RYR2: variants seen among roughly 807,000 people sequenced by gnomAD.
RYR2 encodes the protein ryanodine receptor 2.
Under a neutral mutation model 601.1 loss-of-function variants are expected in RYR2, and 227 were observed. The ratio of observed to expected loss-of-function variants is 0.38; its 90% CI spans 0.34 to 0.42. The LOEUF (loss-of-function observed/expected upper bound fraction) is 0.42. Among genes scored for constraint, RYR2 ranks in the 10% least tolerant of loss-of-function variants. The pLI is 1.00. For missense variants in RYR2, 4,646 were observed against 6,156.5 expected, an observed-to-expected ratio of 0.75 and a Z score of 8.21; for synonymous variants, 2,223 against 2,175.1, an observed-to-expected ratio of 1.02 and a Z score of -0.61.
intron 14 of RYR2, 76 bp downstream of exon 14, chr1:237,445,598 T>A: frequency 6.4e-7 from 1 of 1,557,002 alleles, no homozygotes; most frequent in Non-Finnish European, 8.8e-7. Flanking sequence ...ATAGACAATT[T>A]AAAAGTATGC....
Position 237,709,035 on chromosome 1 carries a change from C to T in RYR2, c.10079C>T (p.Thr3360Ile), listed in dbSNP as rs924056885. The T allele has an allele frequency of 3.7e-6, 6 of 1,611,574 alleles. No individual in the cohort carries two copies. The highest frequency in any genetic ancestry group is 5.1e-6 in the Non-Finnish European group (6 of 1,177,946). The change falls in exon 69 of 105, where the codon ACC becomes ATC. Residue 3360 changes from threonine (T) to isoleucine (I), a missense_variant. Transcript: ENST00000366574. ...EAELLILDEF[T>I]TLARDLYAFY... ...GAACTCCTCATCCTAGATGAGTTCA[C>T]CACACTGGCCAGAGATCTCTATGCC...
chr1:237,693,208 G>GTT (rs201974638), intron 63 of RYR2, among the ~76,000 whole-genome samples: 12 of 140,528 alleles, frequency 8.5e-5, no homozygotes, highest in East Asian at 2.1e-4. Context: ...TGAGAATCAT[G>GTT]TTTTTTTTTT....
intron 66 of RYR2, among the ~76,000 whole-genome samples, chr1:237,703,226 A>G (rs2149042802): frequency 6.6e-6 from 1 of 152,072 alleles, no homozygotes; most frequent in Non-Finnish European, 1.5e-5. Flanking sequence ...TTCCATTTAC[A>G]TTCTCAAATT....
intron 34 of RYR2, among the ~76,000 whole-genome samples, chr1:237,596,217 A>G (rs1675878021): frequency 6.6e-6 from 1 of 152,216 alleles, no homozygotes; most frequent in African/African-American, 2.4e-5. Flanking sequence ...AAATAAATTT[A>G]TAGGATGCCT....
chr1:237,428,349 CA>C (rs1706421533), intron 12 of RYR2, among the ~76,000 whole-genome samples: 1 of 151,994 alleles, frequency 6.6e-6, no homozygotes, highest in Non-Finnish European at 1.5e-5. Context: ...GGAATAAACC[CA>C]AATGCCCATC....
chr1:237,630,946 A>C (rs1036821059), intron 41 of RYR2, among the ~76,000 whole-genome samples: 1 of 152,166 alleles, frequency 6.6e-6, no homozygotes, highest in African/African-American at 2.4e-5. Flanking sequence ...ATATGAATGC[A>C]ATAAGAAATA....
chr1:237,369,577 C>G lies in RYR2; in HGVS notation c.353C>G (p.Ala118Gly). 1 of 1,564,762 alleles carries G rather than the reference C, an allele frequency of 6.4e-7. No homozygotes were observed. Among genetic ancestry groups the G allele is most frequent in the Non-Finnish European group, 8.7e-7 (1 of 1,152,790 alleles). The change falls in exon 6 of 105, where the codon GCC becomes GGC. Residue 118 changes from alanine to glycine, a missense_variant. Coordinates refer to ENST00000366574, the MANE Select transcript of RYR2 (RefSeq NM_001035.3). ...CATCGAACACTCCTCTACGGACATG[C>G]CATATTGCTGCGCCATTCCTATAGT... ...GGHRTLLYGHAILLRHSYSGM... is the reference protein window; with the variant it reads ...GGHRTLLYGHGILLRHSYSGM...
intron 16 of RYR2, among the ~76,000 whole-genome samples, chr1:237,464,769 T>G (rs1178270943): frequency 6.6e-6 from 1 of 152,232 alleles, no homozygotes; most frequent in Non-Finnish European, 1.5e-5. Context: ...TAGCAGATGT[T>G]TTCAATTAAT....
chr1:237,643,598 T>C (rs936002304), intron 48 of RYR2, among the ~76,000 whole-genome samples, 151 bp downstream of exon 48: 2 of 142,422 alleles, frequency 1.4e-5, no homozygotes, highest in Non-Finnish European at 3.0e-5. Context: ...AGCTGTAAAG[T>C]ATATATTTTA....
rs201084407 is a variant in RYR2, at chr1:237,736,644, GGA to G, written c.11091+2897_11091+2898del. ...ATGAAGTCTATAAAGGAAGGCTAGAGGAGAGAGAGAAGCAAAGGAAGGCTGGA... is the reference window on the plus strand; with the variant it reads ...ATGAAGTCTATAAAGGAAGGCTAGAGGAGAGAGAAGCAAAGGAAGGCTGGA... On this transcript the variant is annotated intron_variant, in intron 79 of 104. Transcript: ENST00000366574. Among the ~76,000 whole-genome samples, 123 of 152,144 alleles carry G rather than the reference GGA, an allele frequency of 8.1e-4. 1 individual carries two copies. The East Asian group carries it at 0.02, about 24-fold the overall frequency.
chr1:237,130,963 G>A (rs947618573), intron 1 of RYR2, among the ~76,000 whole-genome samples: 4 of 152,136 alleles, frequency 2.6e-5, no homozygotes, highest in African/African-American at 9.7e-5. Flanking sequence ...CTAAGACTGA[G>A]GCTAGGGTAA....
intron 83 of RYR2, 62 bp downstream of exon 83, chr1:237,759,914 T>C: frequency 2.0e-6 from 2 of 1,019,962 alleles, no homozygotes; most frequent in Non-Finnish European, 3.0e-6. Context: ...GAAGCATTTG[T>C]TTCTTACTCT....
chr1:237,090,756 A>C (rs1190564009), intron 1 of RYR2, among the ~76,000 whole-genome samples: 1 of 152,204 alleles, frequency 6.6e-6, no homozygotes, highest in Non-Finnish European at 1.5e-5. Context: ...GTAGTCTGGC[A>C]TTTGATTTTT....
chr1:237,421,095 C>T (rs184165245), intron 11 of RYR2, among the ~76,000 whole-genome samples: 15 of 152,178 alleles, frequency 9.9e-5, no homozygotes, highest in South Asian at 2.1e-4. Flanking sequence ...AAAAGTTAGC[C>T]GGGCGCGGTG....
rs116525405 is a variant in RYR2 at position 237,422,430 on chromosome 1, A to G, written c.849-662A>G. ...TCATAACTTATCATTTTACTGAAAC[A>G]TTCTATATTTTCTGTTTATTACATT... On this transcript the variant is annotated intron_variant, in intron 11 of 104. Transcript: ENST00000366574. 7.7e-3 allele frequency among the ~76,000 whole-genome samples: 1,168 copies of G among 152,278 alleles called. 5 individuals carry two copies. Among genetic ancestry groups the G allele is most frequent in the Non-Finnish European group, 0.013 (894 of 68,028 alleles).
At chr1:237,127,706 G>A (rs1052285545) in intron 1 of RYR2, among the ~76,000 whole-genome samples, 2 of 151,040 alleles carry the variant, frequency 1.3e-5, no homozygotes, top group South Asian at 2.1e-4. Context: ...CCTCCCAGAC[G>A]GGGTCGCGGC....
At chr1:237,598,657 G>C (rs1162330835) in intron 34 of RYR2, among the ~76,000 whole-genome samples, 41 of 152,264 alleles carry the variant, frequency 2.7e-4, no homozygotes, top group Admixed American at 7.8e-4. Context: ...GGATACAGCA[G>C]AGGCAGTTCT....
In RYR2 at chr1:237,675,920, C is replaced by T. The variant is rs186272313; in HGVS notation, c.8830+1074C>T. ...TTTGAGCCCTTCTTTTTCTTAAAAG[C>T]TTACACTACAAGCTAATTTATAATC... On this transcript the variant is annotated intron_variant, in intron 60 of 104. Coordinates refer to ENST00000366574, the MANE Select transcript of RYR2 (RefSeq NM_001035.3). Among the ~76,000 whole-genome samples, 324 of 152,228 alleles carry T rather than the reference C, an allele frequency of 2.1e-3. 2 individuals are homozygous for T. The highest frequency in any genetic ancestry group is 7.7e-3 in the African/African-American group (319 of 41,544).
At chr1:237,502,847 G>C (rs78243791) in intron 21 of RYR2, among the ~76,000 whole-genome samples, 2 of 146,954 alleles carry the variant, frequency 1.4e-5, no homozygotes, top group African/African-American at 5.2e-5. Context: ...AAAAAAAAAA[G>C]AAAAGAAAAG....
Sources: gnomAD v4.1 joint callset for allele counts (sites outside exome capture counted in the v4.1 genomes callset) on GRCh38, gnomAD v4.1.1 for gene constraint, MANE v1.5 for transcripts, NCBI Gene and HGNC (gene_info 2026-07-23, HGNC 2026-07-21) for gene names.